The following AP4S1 variants were observed in gnomAD, a reference collection of about 807,000 sequenced individuals.
AP4S1 encodes the protein AP-4 complex subunit sigma-1.
Under a neutral mutation model 19.8 loss-of-function variants are expected in AP4S1, and 23 were observed. The ratio of observed to expected loss-of-function variants is 1.16; its 90% CI spans 0.84 to 1.65. The LOEUF is 1.65. Among genes scored for constraint, AP4S1 ranks in the 40% most tolerant of loss-of-function variants. The pLI, the probability that AP4S1 is intolerant of heterozygous loss-of-function variation, is 0.00. For synonymous variants in AP4S1, 46 were observed against 54.1 expected, an observed-to-expected ratio of 0.85 and a Z score of 0.66; for missense variants, 166 against 172.8, an observed-to-expected ratio of 0.96 and a Z score of 0.22.
At chr14:31,064,353 A>G (rs915115375) in intron 1 of AP4S1, among the ~76,000 whole-genome samples, 6 of 151,808 alleles carry the variant, frequency 4.0e-5, no homozygotes, top group Non-Finnish European at 8.8e-5. Context: ...GGCTCAAGAG[A>G]TTCTCCTCCC....
chr14:31,077,348 G>C (rs1887415809), intron 4 of AP4S1, among the ~76,000 whole-genome samples: 2 of 152,156 alleles, frequency 1.3e-5, no homozygotes, highest in South Asian at 4.1e-4. Flanking sequence ...TCCATAATTA[G>C]TAATATTGTG....
chr14:31,070,169 T>A (rs186610954), intron 3 of AP4S1, among the ~76,000 whole-genome samples: 1 of 151,986 alleles, frequency 6.6e-6, no homozygotes, highest in Admixed American at 6.5e-5. Context: ...TAATTTTTTG[T>A]ATTTAGTAGA....
intron 1 of AP4S1, among the ~76,000 whole-genome samples, chr14:31,034,725 C>T (rs2139422053): frequency 6.8e-6 from 1 of 147,648 alleles, no homozygotes; most frequent in African/African-American, 2.5e-5. Context: ...TCAAGCTATT[C>T]TCCCACCTCA....
intron 1 of AP4S1, among the ~76,000 whole-genome samples, chr14:31,030,367 G>A (rs759859245): frequency 2.6e-5 from 4 of 152,016 alleles, no homozygotes; most frequent in Admixed American, 6.6e-5. Flanking sequence ...CTCAATTTTT[G>A]CTTTATTCCT....
intron 5 of AP4S1, among the ~76,000 whole-genome samples, chr14:31,092,550 C>G (rs200637433): frequency 6.7e-6 from 1 of 149,396 alleles, no homozygotes; most frequent in Admixed American, 6.6e-5. Flanking sequence ...GCTACTGTTA[C>G]TATTATTGTC....
At chr14:31,047,536 C>T (rs1271888809) in intron 1 of AP4S1, among the ~76,000 whole-genome samples, 1 of 151,556 alleles carries the variant, frequency 6.6e-6, no homozygotes, top group Non-Finnish European at 1.5e-5. Flanking sequence ...TACATACAGG[C>T]GCCCGCCACA....
Position 31,094,262 on chromosome 14 carries a change from A to G in AP4S1, c.*1227A>G, listed in dbSNP as rs972057313. On this transcript the variant is annotated 3_prime_UTR_variant, in exon 6 of 6. Coordinates refer to ENST00000542754, the MANE Select transcript of AP4S1 (RefSeq NM_001128126.3). The stretch of plus-strand genomic sequence containing the variant: ...GCAGTGGCTTTTCACAAGCATGATC[A>G]TGTTGTACTACAACCTTGAACCTTC... 1 of 152,832 alleles carries G rather than the reference A, an allele frequency of 6.5e-6. No homozygotes were observed. Among genetic ancestry groups the G allele is most frequent in the African/African-American group, 2.4e-5 (1 of 41,466 alleles). 9.5% of individuals were successfully genotyped at this position (152,832 alleles called of 1,614,324 possible).
At chr14:31,035,257 C>T (rs1313375950) in intron 1 of AP4S1, among the ~76,000 whole-genome samples, 5 of 126,240 alleles carry the variant, frequency 4.0e-5, no homozygotes, top group Non-Finnish European at 7.8e-5. Flanking sequence ...TGCAGTGGTG[C>T]GATCTCTTCT....
chr14:31,053,944 T>C (rs141674020), intron 1 of AP4S1, among the ~76,000 whole-genome samples: 11 of 152,284 alleles, frequency 7.2e-5, no homozygotes, highest in Admixed American at 6.5e-4. Context: ...CTTAAAAACA[T>C]TGGATATATC....
rs866610628 is a variant in AP4S1 at position 31,073,447 on chromosome 14, G to A, written c.294+474G>A. Among the ~76,000 whole-genome samples the A allele has an allele frequency of 1.7e-3, 248 of 143,674 alleles. 4 individuals carry two copies. The highest frequency in any genetic ancestry group is 4.1e-3 in the African/African-American group (165 of 39,962). 94.3% of individuals were successfully genotyped at this position (143,674 alleles called of 152,430 possible). ...GGAGCTTGCAGTGAGCCGAGATCCC[G>A]CCACTGCACTCCAGCCTGGGCAACA... On this transcript the variant is annotated intron_variant, in intron 4 of 5. Coordinates refer to ENST00000542754, the MANE Select transcript of AP4S1 (RefSeq NM_001128126.3).
intron 5 of AP4S1, among the ~76,000 whole-genome samples, chr14:31,089,633 G>C (rs975089510): frequency 6.6e-6 from 1 of 152,214 alleles, no homozygotes; most frequent in Non-Finnish European, 1.5e-5. Context: ...CCAATGTTGG[G>C]GCCAGGCGTG....
chr14:31,028,181 TTA>T (rs1884155218), intron 1 of AP4S1, among the ~76,000 whole-genome samples: 2 of 105,402 alleles, frequency 1.9e-5, no homozygotes, highest in South Asian at 7.0e-4. Context: ...ATTATTTTAT[TTA>T]TTTTTTTTTT....
intron 1 of AP4S1, among the ~76,000 whole-genome samples, chr14:31,044,637 C>T (rs144966237): frequency 0.033 from 5,009 of 151,620 alleles, 114 homozygotes; most frequent in Non-Finnish European, 0.053. Flanking sequence ...CCTAGAACCA[C>T]GAACCTGGAC....
chr14:31,049,428 A>AAAAAAAAAAAAAAT (rs1384450221), intron 1 of AP4S1, among the ~76,000 whole-genome samples: 1 of 57,768 alleles, frequency 1.7e-5, no homozygotes, highest in African/African-American at 7.9e-5. Context: ...AAAAAAAAAA[A>AAAAAAAAAAAAAAT]ATATATATAT....
chr14:31,073,295 C>T (rs556932896), intron 4 of AP4S1: 292 of 286,970 alleles, frequency 1.0e-3, no homozygotes, highest in Middle Eastern at 2.6e-3. Context: ...TGGAGACCAT[C>T]CTGGCTAATA....
chr14:31,092,801 C>T (rs1314239073), intron 5 of AP4S1, 106 bp from the exon 6 acceptor site: 1 of 812,008 alleles, frequency 1.2e-6, no homozygotes, highest in Non-Finnish European at 1.8e-6. Context: ...CAAAAAACCT[C>T]ATGCTTAGGC....
At chr14:31,059,939 A>G (rs914824029) in intron 1 of AP4S1, among the ~76,000 whole-genome samples, 40 of 147,122 alleles carry the variant, frequency 2.7e-4, no homozygotes, top group African/African-American at 9.6e-4. Flanking sequence ...AAATATATAT[A>G]TATATATTTA....
At chr14:31,035,355 C>A (rs925882949) in intron 1 of AP4S1, among the ~76,000 whole-genome samples, 6 of 146,504 alleles carry the variant, frequency 4.1e-5, no homozygotes, top group African/African-American at 1.3e-4. Flanking sequence ...CCGCCACACC[C>A]AGCTAATTTT....
chr14:31,064,800 A>T (rs1395521767), intron 1 of AP4S1, among the ~76,000 whole-genome samples: 2 of 152,176 alleles, frequency 1.3e-5, no homozygotes, highest in Non-Finnish European at 2.9e-5. Flanking sequence ...ACAAAAAGTT[A>T]AAAAATTAGC....
Sources: gnomAD v4.1 joint callset for allele counts (sites outside exome capture counted in the v4.1 genomes callset) on GRCh38, gnomAD v4.1.1 for gene constraint, MANE v1.5 for transcripts, NCBI Gene and HGNC (gene_info 2026-07-23, HGNC 2026-07-21) for gene names.